RUNX3: variants seen among roughly 807,000 people sequenced by gnomAD.
RUNX3 encodes RUNX family transcription factor 3.
A neutral mutation model predicts 27.7 loss-of-function variants in RUNX3; 10 were observed. The observed-to-expected ratio is 0.36, with a 90% confidence interval of 0.22 to 0.61. RUNX3 has a LOEUF of 0.61. Ranked by LOEUF, RUNX3 falls within the 20% of genes least tolerant of loss-of-function variation. The probability of loss-of-function intolerance (pLI) is 0.72; values close to 1 mark genes in which losing one functional copy is unlikely to be tolerated. For missense variants in RUNX3, 469 were observed against 629.5 expected, an observed-to-expected ratio of 0.75 and a Z score of 2.73; for synonymous variants, 270 against 269.2, an observed-to-expected ratio of 1.00 and a Z score of -0.03.
chr1:24,925,158 C>A (rs1641075220), intron 2 of RUNX3, among the ~76,000 whole-genome samples: 1 of 152,196 alleles, frequency 6.6e-6, no homozygotes, highest in South Asian at 2.1e-4. Flanking sequence ...CAGATTGTCA[C>A]TGTCAACCAC....
rs58486394 is a variant in RUNX3, at chr1:24,916,519, C to T, written c.544+2721G>A. 0.02 allele frequency among the ~76,000 whole-genome samples: 3,027 copies of T among 152,254 alleles called. 100 individuals carry two copies. Among genetic ancestry groups the T allele is most frequent in the African/African-American group, 0.067 (2,778 of 41,528 alleles). On this transcript the variant is annotated intron_variant, in intron 3 of 4. Transcript: ENST00000308873. The surrounding 1 kb of genome is among the most constrained non-coding windows in gnomAD (Gnocchi z 4.8). ...ACTGGGGACTTTGCACAGGGCCTGA[C>T]GCAAGGGAGGGGGTTGCTCAGTGAC...
rs547493998 is a variant in RUNX3 at position 24,917,496 on chromosome 1, C to CTCAG, written c.544+1743_544+1744insCTGA. 4.1e-3 allele frequency among the ~76,000 whole-genome samples: 625 copies of CTCAG among 152,224 alleles called. 3 individuals are homozygous for CTCAG. Among genetic ancestry groups the CTCAG allele is most frequent in the Non-Finnish European group, 6.1e-3 (414 of 67,990 alleles). ...GGCCACGTGCTGTCCACATGTCGCCCCTGATCTCCAGGTCCGCAGGGTGGG... is the reference window on the plus strand; with the variant it reads ...GGCCACGTGCTGTCCACATGTCGCCCTCAGCTGATCTCCAGGTCCGCAGGGTGGG... On this transcript the variant is annotated intron_variant, in intron 3 of 4. Coordinates refer to ENST00000308873, the MANE Select transcript of RUNX3 (RefSeq NM_004350.3).
intron 4 of RUNX3, among the ~76,000 whole-genome samples, chr1:24,903,323 T>C (rs1640603720): frequency 6.6e-6 from 1 of 152,166 alleles, no homozygotes; most frequent in East Asian, 1.9e-4. Context: ...ACAGGAGCTC[T>C]GGCCTCCACC....
Position 24,902,423 on chromosome 1 carries a change from G to T in RUNX3, c.947C>A (p.Pro316Gln). 6.2e-7 allele frequency: 1 copy of T among 1,611,526 alleles called. No homozygotes were observed. Among genetic ancestry groups the T allele is most frequent in the African/African-American group, 1.3e-5 (1 of 74,990 alleles). The stretch of plus-strand genomic sequence containing the variant: ...CTGGAAGGGCCCGCTCTGGTTCTGC[G>T]GGGCCCCCGGGTAGGGTGGCGGGAG... The part of the protein sequence containing the change: ...TYLPPPYPGA[P>Q]QNQSGPFQAN... Residue 316 changes from proline (P) to glutamine (Q), a missense_variant, in exon 5 of 5, where the codon CCG becomes CAG. Coordinates refer to ENST00000308873, the MANE Select transcript of RUNX3 (RefSeq NM_004350.3). The surrounding 1 kb of genome is among the most constrained non-coding windows in gnomAD (Gnocchi z 9.2).
chr1:24,905,651 T>G (rs1640649801), intron 4 of RUNX3, among the ~76,000 whole-genome samples: 1 of 152,218 alleles, frequency 6.6e-6, no homozygotes, highest in Non-Finnish European at 1.5e-5. Context: ...CAGCAGTGGA[T>G]GGGCAGATGT....
rs1258949457 is a variant in RUNX3 at position 24,902,159 on chromosome 1, G to A, written c.1211C>T (p.Pro404Leu). ...HSNSPTALST[P>L]GRMDEAVWRP... is the part of the protein sequence containing the mutation. ...CCACACGGCCTCATCCATGCGGCCT[G>A]GCGTGCTCAGGGCCGTGGGTGAGTT... The change falls in exon 5 of 5, where the codon CCA (proline) becomes CTA (leucine). Residue 404 changes from proline (P) to leucine (L), a missense_variant. Pro to Leu is a moderately conservative substitution (Grantham distance 98). Transcript: ENST00000308873. The surrounding 1 kb of genome is among the most constrained non-coding windows in gnomAD (Gnocchi z 9.2). 1.3e-6 allele frequency: 2 copies of A among 1,570,998 alleles called. No homozygotes were observed. Among genetic ancestry groups the A allele is most frequent in the Non-Finnish European group, 8.6e-7 (1 of 1,159,358 alleles).
chr1:24,957,843 G>A (rs1040849120), intron 2 of RUNX3, among the ~76,000 whole-genome samples: 1 of 152,196 alleles, frequency 6.6e-6, no homozygotes, highest in African/African-American at 2.4e-5. Flanking sequence ...CTCTCCCAAC[G>A]CCACACAGCG....
intron 3 of RUNX3, among the ~76,000 whole-genome samples, chr1:24,910,794 C>T (rs1003389596): frequency 8.5e-5 from 13 of 152,182 alleles, no homozygotes; most frequent in African/African-American, 3.1e-4. Flanking sequence ...TGGTCTCTGG[C>T]CAGGCCCCCA....
At chr1:24,903,194 G>A (rs1016725369) in intron 4 of RUNX3, among the ~76,000 whole-genome samples, 4 of 152,340 alleles carry the variant, frequency 2.6e-5, no homozygotes, top group Admixed American at 6.5e-5. Flanking sequence ...AGTCTCTGTG[G>A]CAGAGAAAGG....
intron 3 of RUNX3, among the ~76,000 whole-genome samples, chr1:24,908,837 C>T (rs183997838): frequency 2.0e-5 from 3 of 152,206 alleles, no homozygotes; most frequent in Non-Finnish European, 4.4e-5. Flanking sequence ...GAGGGGACTG[C>T]AGGCTTTTCC....
At chr1:24,939,670 A>G (rs1353054337) in intron 2 of RUNX3, among the ~76,000 whole-genome samples, 1 of 152,242 alleles carries the variant, frequency 6.6e-6, no homozygotes, top group Admixed American at 6.5e-5. Context: ...ATTCAGAGGC[A>G]TGGACTTTCT....
intron 2 of RUNX3, among the ~76,000 whole-genome samples, chr1:24,940,316 TTGAACAAA>T (rs1457506517): frequency 6.6e-6 from 1 of 152,184 alleles, no homozygotes; most frequent in Non-Finnish European, 1.5e-5. Context: ...CAAACACGTA[TTGAACAAA>T]TGAGAGAGCG....
intron 2 of RUNX3, among the ~76,000 whole-genome samples, chr1:24,953,092 C>T (rs1454750293): frequency 2.0e-5 from 3 of 152,014 alleles, no homozygotes; most frequent in South Asian, 4.1e-4. Flanking sequence ...AAAGGCAGGG[C>T]GCGGTGGCTC....
At chr1:24,955,046 G>GTAATCCTTTTGTGTGAT (rs1386999706) in intron 2 of RUNX3, among the ~76,000 whole-genome samples, 1 of 152,114 alleles carries the variant, frequency 6.6e-6, no homozygotes, top group Non-Finnish European at 1.5e-5. Flanking sequence ...CCATCTCCAT[G>GTAATCCTTTTGTGTGAT]TAATCCTTTT....
rs1436972592 is a variant in RUNX3, at chr1:24,900,689, C to G, written c.*1433G>C. 6.6e-6 allele frequency: 1 copy of G among 152,510 alleles called. No individual in the cohort carries two copies. Among genetic ancestry groups the G allele is most frequent in the Non-Finnish European group, 1.5e-5 (1 of 68,176 alleles). The allele number at this position is 152,510 out of a possible 1,614,324, so 9.4% of individuals were successfully genotyped here. On this transcript the variant is annotated 3_prime_UTR_variant, in exon 5 of 5. Coordinates refer to ENST00000308873, the MANE Select transcript of RUNX3 (RefSeq NM_004350.3). ...ACCTCTCACATCCTGCCCACCTCCGCCCAGCCTCCTGGACAGATGTCCTAG... is the reference window on the plus strand; with the variant it reads ...ACCTCTCACATCCTGCCCACCTCCGGCCAGCCTCCTGGACAGATGTCCTAG...
At chr1:24,922,782 CAA>C (rs57671911) in intron 2 of RUNX3, among the ~76,000 whole-genome samples, 2,380 of 20,636 alleles carry the variant, frequency 0.12, 14 homozygotes, top group African/African-American at 0.24. Flanking sequence ...GCCCACAGGG[CAA>C]AAAAAAAAAA....
In RUNX3 at chr1:24,936,354, T is replaced by C. The variant is rs1014756259; in HGVS notation, c.59-6502A>G. 6.6e-5 allele frequency among the ~76,000 whole-genome samples: 10 copies of C among 152,156 alleles called. No homozygotes were observed. The East Asian group carries it at 1.9e-3, about 29-fold the overall frequency. Reference sequence around the variant, plus strand: ...CCACTGGGAAACCACAGGGGTAGGATTCCAACGAGGCAGCCTGGCCCCAGA... The same window carrying C: ...CCACTGGGAAACCACAGGGGTAGGACTCCAACGAGGCAGCCTGGCCCCAGA... On this transcript the variant is annotated intron_variant, in intron 2 of 6. Coordinates refer to the RUNX3 transcript ENST00000338888.
intron 3 of RUNX3, among the ~76,000 whole-genome samples, chr1:24,913,787 G>A (rs1640837369): frequency 6.6e-6 from 1 of 152,196 alleles, no homozygotes; most frequent in African/African-American, 2.4e-5. Flanking sequence ...CCAGCCTGGG[G>A]TCCTACCCCC....
chr1:24,957,921 A>T (rs1286290416), intron 2 of RUNX3, among the ~76,000 whole-genome samples: 1 of 152,242 alleles, frequency 6.6e-6, no homozygotes. Flanking sequence ...CTCTCCGAAG[A>T]GTGCCTTCCT....
Sources: gnomAD v4.1 joint callset for allele counts (sites outside exome capture counted in the v4.1 genomes callset) on GRCh38, gnomAD v4.1.1 for gene constraint, Gnocchi (gnomAD v3.1) non-coding constraint, MANE v1.5 for transcripts, NCBI Gene and HGNC (gene_info 2026-07-23, HGNC 2026-07-21) for gene names.